Variants in TANC2 observed in about 807,000 individuals in gnomAD.
TANC2 encodes the protein tetratricopeptide repeat, ankyrin repeat and coiled-coil containing 2, also known as protein TANC2.
Under a neutral mutation model 210.5 loss-of-function variants are expected in TANC2, and 26 were observed. The ratio of observed to expected loss-of-function variants is 0.12; its 90% CI spans 0.09 to 0.17. The LOEUF (loss-of-function observed/expected upper bound fraction) is 0.17, where lower values mean the gene tolerates loss of function less well. Among genes scored for constraint, TANC2 ranks in the 10% least tolerant of loss-of-function variants. The probability of loss-of-function intolerance (pLI) is 1.00; values close to 1 mark genes in which losing one functional copy is unlikely to be tolerated. For synonymous variants in TANC2, 931 were observed against 967.1 expected, an observed-to-expected ratio of 0.96 and a Z score of 0.69; for missense variants, 2,129 against 2,608.9, an observed-to-expected ratio of 0.82 and a Z score of 4.01.
At chr17:63,136,091 C>T (rs1220639973) in intron 4 of TANC2, among the ~76,000 whole-genome samples, 1 of 152,146 alleles carries the variant, frequency 6.6e-6, no homozygotes, top group African/African-American at 2.4e-5. Context: ...AGTAATTTGC[C>T]TATTTCCTTA....
At chr17:62,993,198 A>AT (rs2032952467) in intron 1 of TANC2, among the ~76,000 whole-genome samples, 1 of 152,190 alleles carries the variant, frequency 6.6e-6, no homozygotes, top group African/African-American at 2.4e-5. Context: ...TCCCTTTGCC[A>AT]TGTAAGGTAA....
chr17:63,095,900 C>T (rs1258568426), intron 3 of TANC2, among the ~76,000 whole-genome samples: 1 of 152,102 alleles, frequency 6.6e-6, no homozygotes, highest in Non-Finnish European at 1.5e-5. Context: ...GTAGGACAGC[C>T]AAACTGGACT....
At chr17:63,062,139 CTT>C (rs2036019173) in intron 2 of TANC2, among the ~76,000 whole-genome samples, 1 of 151,990 alleles carries the variant, frequency 6.6e-6, no homozygotes, top group Admixed American at 6.6e-5. Context: ...TTTTTATTCT[CTT>C]TCTTTCCTTT....
chr17:63,343,212 T>C (rs1301437047), intron 12 of TANC2, among the ~76,000 whole-genome samples: 1 of 152,214 alleles, frequency 6.6e-6, no homozygotes, highest in Admixed American at 6.5e-5. Context: ...CTCAACCATA[T>C]GCAGTTTTTT....
intron 4 of TANC2, among the ~76,000 whole-genome samples, chr17:63,127,653 C>T (rs1012913976): frequency 3.3e-5 from 5 of 152,128 alleles, no homozygotes; most frequent in African/African-American, 1.2e-4. Context: ...CATTAGTCAC[C>T]ATAAGAAACT....
At chr17:63,349,409 G>T (rs1455366284) in intron 12 of TANC2, among the ~76,000 whole-genome samples, 1 of 152,078 alleles carries the variant, frequency 6.6e-6, no homozygotes, top group Non-Finnish European at 1.5e-5. Flanking sequence ...CAGCTGTTTT[G>T]TCTACTGGAA....
intron 3 of TANC2, among the ~76,000 whole-genome samples, chr17:63,096,487 A>C (rs1170693435): frequency 6.6e-6 from 1 of 152,170 alleles, no homozygotes; most frequent in African/African-American, 2.4e-5. Context: ...CATTTCATAT[A>C]AGTGGAATAA....
In TANC2 at chr17:63,022,374, C is replaced by T. The variant is rs2034388060; in HGVS notation, c.67+12748C>T. The stretch of plus-strand genomic sequence containing the variant: ...AAAAAAGAATGACAAACTAGGATTT[C>T]TGGTGGAAGAAATCTAAGTAGCAAA... On this transcript the variant is annotated intron_variant, in intron 2 of 27. Transcript: ENST00000689528. Among the ~76,000 whole-genome samples, 5 of 150,556 alleles carry T rather than the reference C, an allele frequency of 3.3e-5. No individual in the cohort carries two copies. In the South Asian group the frequency reaches 1.0e-3, roughly 31 times the overall value.
intron 4 of TANC2, among the ~76,000 whole-genome samples, chr17:63,106,936 C>A (rs1169877428): frequency 2.0e-5 from 3 of 151,294 alleles, no homozygotes; most frequent in Non-Finnish European, 2.9e-5. Flanking sequence ...TGTATGTATT[C>A]TTTTGAAATA....
chr17:63,411,274 A>G (rs2048695165), intron 21 of TANC2, among the ~76,000 whole-genome samples: 1 of 152,218 alleles, frequency 6.6e-6, no homozygotes, highest in Non-Finnish European at 1.5e-5. Context: ...GTAATTAGGA[A>G]TAGACTGTGG....
intron 9 of TANC2, among the ~76,000 whole-genome samples, chr17:63,292,391 G>A (rs1391944469): frequency 1.3e-5 from 2 of 152,030 alleles, no homozygotes; most frequent in African/African-American, 4.8e-5. Context: ...AGTGGGGATG[G>A]GTAAACAGTG....
chr17:62,989,728 A>G (rs1241051128), intron 1 of TANC2, among the ~76,000 whole-genome samples: 1 of 151,902 alleles, frequency 6.6e-6, no homozygotes, highest in Non-Finnish European at 1.5e-5. Context: ...ATCTAGAGAA[A>G]AGCCATTCCT....
At chr17:63,121,648 A>C (rs114267826) in intron 4 of TANC2, among the ~76,000 whole-genome samples, 6 of 152,116 alleles carry the variant, frequency 3.9e-5, no homozygotes, top group Admixed American at 1.3e-4. Context: ...AATGTTTCCC[A>C]AAAAAATCTT....
chr17:63,098,248 C>T (rs1203451185), intron 3 of TANC2, among the ~76,000 whole-genome samples: 1 of 151,948 alleles, frequency 6.6e-6, no homozygotes, highest in Non-Finnish European at 1.5e-5. Flanking sequence ...TTTTAGTAGG[C>T]ACTGTCAATG....
chr17:62,975,563 T>TC, intron 1 of TANC2, among the ~76,000 whole-genome samples: 2 of 151,754 alleles, frequency 1.3e-5, no homozygotes, highest in East Asian at 3.9e-4. Context: ...TAATTTTTTT[T>TC]TTTTTTTAAT....
At chr17:63,130,413 G>A (rs759056869) in intron 4 of TANC2, among the ~76,000 whole-genome samples, 13 of 151,900 alleles carry the variant, frequency 8.6e-5, no homozygotes, top group Non-Finnish European at 1.6e-4. Context: ...TTGGGAGGCT[G>A]AGGCAGGAGA....
intron 3 of TANC2, among the ~76,000 whole-genome samples, chr17:63,091,449 C>A (rs377766136): frequency 6.6e-6 from 1 of 152,048 alleles, no homozygotes; most frequent in Admixed American, 6.6e-5. Flanking sequence ...TTTTCCCAGC[C>A]CCATTTATTA....
chr17:63,183,971 C>T (rs113630377), intron 5 of TANC2, among the ~76,000 whole-genome samples: 24 of 151,550 alleles, frequency 1.6e-4, no homozygotes, highest in African/African-American at 5.8e-4. Context: ...GAGCCGAGAT[C>T]GCGCCACTGC....
intron 2 of TANC2, among the ~76,000 whole-genome samples, chr17:63,050,434 T>C (rs1020510759): frequency 5.4e-4 from 82 of 151,180 alleles, no homozygotes; most frequent in African/African-American, 1.9e-3. Flanking sequence ...ATGGATGAGG[T>C]CCAGGTTAGA....
Sources: gnomAD v4.1 joint callset for allele counts (sites outside exome capture counted in the v4.1 genomes callset) on GRCh38, gnomAD v4.1.1 for gene constraint, MANE v1.5 for transcripts, NCBI Gene and HGNC (gene_info 2026-07-23, HGNC 2026-07-21) for gene names.